SNURF: variants seen among roughly 807,000 people sequenced by gnomAD.
SNURF encodes SNURF protein.
A neutral mutation model predicts 11.6 loss-of-function variants in SNURF; 6 were observed. The observed-to-expected ratio is 0.52, with a 90% confidence interval of 0.28 to 1.02. The LOEUF is 1.02. SNURF is among the 50% of genes least tolerant of loss of function. The probability of loss-of-function intolerance (pLI) is 0.09; values close to 1 mark genes in which losing one functional copy is unlikely to be tolerated. For synonymous variants in SNURF, 29 were observed against 31.6 expected (o/e 0.92, Z 0.27); for missense variants, 84 against 88.4 (o/e 0.95, Z 0.20).
downstream of SNURF, among the ~76,000 whole-genome samples, chr15:24,973,601 T>C (rs1275702125): frequency 6.6e-6 from 1 of 152,126 alleles, no homozygotes; most frequent in African/African-American, 2.4e-5. Flanking sequence ...GATTTCACCA[T>C]GTTGGCCAGG....
chr15:24,965,118 G>T (rs965313579), intron 2 of SNURF, among the ~76,000 whole-genome samples: 1 of 152,130 alleles, frequency 6.6e-6, no homozygotes, highest in African/African-American at 2.4e-5. Context: ...CTCAGGATTG[G>T]TATACTTAGA....
downstream of SNURF, among the ~76,000 whole-genome samples, chr15:24,972,327 A>G (rs2076517901): frequency 6.6e-6 from 1 of 151,936 alleles, no homozygotes. Flanking sequence ...ACTGCTTTAT[A>G]AAGAATCATA....
chr15:24,962,715 T>C (rs1326866401), intron 2 of SNURF, among the ~76,000 whole-genome samples: 1 of 152,200 alleles, frequency 6.6e-6, no homozygotes, highest in Non-Finnish European at 1.5e-5. Flanking sequence ...CTCAGACACA[T>C]ATTTTAATTT....
intron 2 of SNURF, among the ~76,000 whole-genome samples, 170 bp from the exon 3 acceptor site, chr15:24,967,762 T>G (rs2075861329): frequency 6.8e-6 from 1 of 147,332 alleles, no homozygotes; most frequent in African/African-American, 2.5e-5. Flanking sequence ...GAGCAGAAAT[T>G]GCTTCATTGC....
chr15:24,970,532 T>G (rs369632354), downstream of SNURF, among the ~76,000 whole-genome samples: 3 of 152,260 alleles, frequency 2.0e-5, no homozygotes, highest in East Asian at 5.8e-4. Context: ...TGAGCAGAGA[T>G]TGTGCCACTG....
intron 1 of SNURF, among the ~76,000 whole-genome samples, chr15:24,960,563 C>T (rs1418790664): frequency 1.3e-5 from 2 of 152,102 alleles, no homozygotes; most frequent in Non-Finnish European, 2.9e-5. Context: ...CTCAAGTGAT[C>T]GCTGGCCTCA....
downstream of SNURF, among the ~76,000 whole-genome samples, chr15:24,969,285 C>T (rs2076095964): frequency 6.6e-6 from 1 of 152,156 alleles, no homozygotes. Context: ...CCCACCACCA[C>T]ACCTGGCTAA....
chr15:24,966,561 CT>C (rs1212100350), intron 2 of SNURF, among the ~76,000 whole-genome samples: 2 of 152,120 alleles, frequency 1.3e-5, no homozygotes, highest in Admixed American at 1.3e-4. Flanking sequence ...TTTGTTTGAT[CT>C]TTTGTGGCCT....
At position 24,957,165 on chromosome 15, in the gene SNURF, C is replaced by T. The variant is rs2063073722; in HGVS notation, c.14+2103C>T. 2.0e-5 allele frequency among the ~76,000 whole-genome samples: 3 copies of T among 152,266 alleles called. 1 individual carries two copies. In the South Asian group the frequency reaches 6.2e-4, roughly 32 times the overall value. ...CACCATTTAAGATTCAGTTATCCTT[C>T]TTAATCTCTGGATAGTCCATTCTGA... On this transcript the variant is annotated intron_variant, in intron 1 of 2. Transcript: ENST00000577949.
exon 5 of SNURF, chr15:24,976,320 G>A: frequency 6.2e-7 from 1 of 1,613,636 alleles, no homozygotes; most frequent in Non-Finnish European, 8.5e-7. Context: ...AGAATGCGAA[G>A]CAACCAGAGC....
chr15:24,976,329 G>A (rs1009740595), exon 5 of SNURF: 1 of 1,613,698 alleles, frequency 6.2e-7, no homozygotes, highest in Non-Finnish European at 8.5e-7. Flanking sequence ...AGCAACCAGA[G>A]CGTGAAGAAA....
At chr15:24,961,712 ATCC>A (rs2074852179) in intron 1 of SNURF, among the ~76,000 whole-genome samples, 1 of 152,146 alleles carries the variant, frequency 6.6e-6, no homozygotes, top group African/African-American at 2.4e-5. Context: ...TGTCTACTGT[ATCC>A]TAAAAATATT....
At chr15:24,956,527 A>C (rs1366016139) in intron 1 of SNURF, among the ~76,000 whole-genome samples, 1 of 152,160 alleles carries the variant, frequency 6.6e-6, no homozygotes, top group Non-Finnish European at 1.5e-5. Context: ...CTGCTTGGGA[A>C]AGGATGCAGG....
intron 1 of SNURF, among the ~76,000 whole-genome samples, chr15:24,957,300 T>G (rs2063095381): frequency 6.6e-6 from 1 of 152,128 alleles, no homozygotes; most frequent in Admixed American, 6.5e-5. Context: ...CTTCTGGGAG[T>G]TGAAAGCTGC....
rs1273920079 is a variant in SNURF, at chr15:24,974,255, G to A, written c.*46-1103G>A. On this transcript the variant is annotated intron_variant and NMD_transcript_variant, in intron 3 of 6. Coordinates refer to the SNURF transcript ENST00000580062. ...TAGTGATTTTCATGCAAAATTGTCTGCCTGTTTTAAAACATGGTAGATTGC... is the reference window on the plus strand; with the variant it reads ...TAGTGATTTTCATGCAAAATTGTCTACCTGTTTTAAAACATGGTAGATTGC... 1.7e-5 allele frequency: 10 copies of A among 595,630 alleles called. No individual in the cohort carries two copies. The East Asian group carries it at 2.9e-4, about 17-fold the overall frequency. The allele number at this position is 595,630 out of a possible 1,614,324, so 36.9% of individuals were successfully genotyped here. A position where few individuals can be genotyped will look rare whatever the true frequency, so the allele number is the denominator to read the frequency against.
chr15:24,973,373 T>A (rs1263695285), downstream of SNURF, among the ~76,000 whole-genome samples: 2 of 152,174 alleles, frequency 1.3e-5, no homozygotes, highest in East Asian at 3.9e-4. Flanking sequence ...TCTCCTAATG[T>A]GTCCCCATTA....
At chr15:24,966,390 A>G (rs937705892) in intron 2 of SNURF, among the ~76,000 whole-genome samples, 4 of 152,170 alleles carry the variant, frequency 2.6e-5, no homozygotes, top group African/African-American at 9.7e-5. Flanking sequence ...ACATTAGCGT[A>G]TATCACCAAT....
chr15:24,961,992 CTT>C, intron 1 of SNURF, 120 bp from the exon 2 acceptor site: 2 of 897,318 alleles, frequency 2.2e-6, no homozygotes, highest in Non-Finnish European at 3.6e-6. Context: ...ATAATTTTAC[CTT>C]GTTTTAATTA....
At chr15:24,956,354 C>CGGGT (rs1555404319) in intron 1 of SNURF, among the ~76,000 whole-genome samples, 2 of 138,158 alleles carry the variant, frequency 1.4e-5, no homozygotes, top group South Asian at 2.2e-4. Flanking sequence ...AGCGCTTCAG[C>CGGGT]GGGGGGGTGG....
Sources: gnomAD v4.1 joint callset for allele counts (sites outside exome capture counted in the v4.1 genomes callset) on GRCh38, gnomAD v4.1.1 for gene constraint, MANE v1.5 for transcripts, NCBI Gene and HGNC (gene_info 2026-07-23, HGNC 2026-07-21) for gene names.